Variants in ARHGEF28 observed in about 807,000 individuals in gnomAD.
The protein encoded by ARHGEF28 is Rho guanine nucleotide exchange factor 28.
A neutral mutation model predicts 206.6 loss-of-function variants in ARHGEF28; 152 were observed. The ratio of observed to expected loss-of-function variants is 0.74; its 90% CI spans 0.64 to 0.84. The LOEUF is 0.84. ARHGEF28 is among the 40% of genes least tolerant of loss of function. The pLI, the probability that ARHGEF28 is intolerant of heterozygous loss-of-function variation, is 0.00. For synonymous variants in ARHGEF28, 763 were observed against 776.4 expected (o/e 0.98, Z 0.29); for missense variants, 2,028 against 2,073.2 (o/e 0.98, Z 0.42).
intron 2 of ARHGEF28, among the ~76,000 whole-genome samples, chr5:73,727,213 G>GC (rs985546510): frequency 6.6e-6 from 1 of 152,176 alleles, no homozygotes; most frequent in African/African-American, 2.4e-5. Flanking sequence ...TGAAAAGCCA[G>GC]AACTGTGGGA....
intron 9 of ARHGEF28, among the ~76,000 whole-genome samples, chr5:73,796,000 G>A (rs56404777): frequency 0.19 from 28,733 of 152,108 alleles, 5,359 homozygotes; most frequent in African/African-American, 0.48. Context: ...ATTCTCATCT[G>A]ATTACAATAT....
At chr5:73,741,401 A>G (rs1205438154) in intron 2 of ARHGEF28, among the ~76,000 whole-genome samples, 162 of 11,586 alleles carry the variant, frequency 0.014, no homozygotes, top group South Asian at 0.02. Context: ...ATATATATAT[A>G]TATATATATA....
Position 73,840,742 on chromosome 5 carries a change from G to C in ARHGEF28, c.1409G>C (p.Ser470Thr). The part of the protein sequence containing the change: ...FGWHGFEKEQ[S>T]HLKKRSSSLD... ...TGGCATGGATTTGAAAAGGAACAAA[G>C]TCATCTAAAGAAAAGAAGGTAAGAG... is the stretch of plus-strand genomic sequence containing the variant. The change falls in exon 11 of 36, where the codon AGT (serine) becomes ACT (threonine). Residue 470 changes from serine to threonine, a missense_variant. Ser to Thr is a moderately conservative substitution (Grantham distance 58). Coordinates refer to ENST00000513042, the MANE Select transcript of ARHGEF28 (RefSeq NM_001177693.2). 1 of 1,609,236 alleles carries C rather than the reference G, an allele frequency of 6.2e-7. No individual in the cohort carries two copies. The highest frequency in any genetic ancestry group is 8.5e-7 in the Non-Finnish European group (1 of 1,177,386).
intron 35 of ARHGEF28, among the ~76,000 whole-genome samples, chr5:73,917,248 G>A (rs1763262711): frequency 6.6e-6 from 1 of 152,150 alleles, no homozygotes; most frequent in Non-Finnish European, 1.5e-5. Context: ...ATATATATAG[G>A]AGTCTGAGGA....
At chr5:73,636,378 A>G (rs1743716448) in intron 1 of ARHGEF28, among the ~76,000 whole-genome samples, 1 of 152,232 alleles carries the variant, frequency 6.6e-6, no homozygotes, top group Admixed American at 6.5e-5. Context: ...GAATGTTAAC[A>G]GTAATTTGGA....
intron 20 of ARHGEF28, among the ~76,000 whole-genome samples, chr5:73,869,222 T>TGGGGGGGGGGG (rs67692648): frequency 4.0e-5 from 4 of 99,194 alleles, no homozygotes; most frequent in Non-Finnish European, 6.1e-5. Flanking sequence ...GTGTGTGGGG[T>TGGGGGGGGGGG]GGAGGGGGGT....
rs368159871 is a variant in ARHGEF28, at chr5:73,864,917, T to C, written c.2103+45T>C. On this transcript the variant is annotated intron_variant, in intron 17 of 35. Transcript: ENST00000513042. Reference sequence around the variant, plus strand: ...TGAATATATATGTGGCATGGTTGCTTCATAGTATCTATTTGAGCTTTTACT... The same window carrying C: ...TGAATATATATGTGGCATGGTTGCTCCATAGTATCTATTTGAGCTTTTACT... The C allele has an allele frequency of 2.8e-5, 43 of 1,547,180 alleles. No homozygotes were observed. The African/African-American group carries it at 4.1e-4, about 15-fold the overall frequency.
chr5:73,844,122 T>C (rs567621399), intron 11 of ARHGEF28, among the ~76,000 whole-genome samples: 1 of 152,274 alleles, frequency 6.6e-6, no homozygotes, highest in African/African-American at 2.4e-5. Context: ...ATATCTTAGG[T>C]TAATAGCTTA....
intron 29 of ARHGEF28, among the ~76,000 whole-genome samples, chr5:73,894,942 G>A (rs781631625): frequency 3.9e-5 from 6 of 152,108 alleles, no homozygotes; most frequent in African/African-American, 7.2e-5. Context: ...GGGAATGGCC[G>A]GCACAAAGGT....
chr5:73,884,498 A>G (rs1303470089), intron 24 of ARHGEF28, among the ~76,000 whole-genome samples: 1 of 152,188 alleles, frequency 6.6e-6, no homozygotes, highest in Non-Finnish European at 1.5e-5. Flanking sequence ...AAAACATATC[A>G]ATGCAATGAA....
In ARHGEF28 at chr5:73,904,486, A is replaced by T. The variant is rs1487695626; in HGVS notation, c.4161+81A>T. Reference sequence around the variant, plus strand: ...CTTTGATGATTCCCAGACTTTAAAAATGAGAACAAGTGAGAGGTAGGGAAT... The same window carrying T: ...CTTTGATGATTCCCAGACTTTAAAATTGAGAACAAGTGAGAGGTAGGGAAT... On this transcript the variant is annotated intron_variant, in intron 33 of 35. Coordinates refer to ENST00000513042, the MANE Select transcript of ARHGEF28 (RefSeq NM_001177693.2). The T allele has an allele frequency of 4.2e-6, 6 of 1,414,406 alleles. No individual in the cohort carries two copies. In the Admixed American group the frequency reaches 1.3e-4, roughly 31 times the overall value. 87.6% of individuals were successfully genotyped at this position (1,414,406 alleles called of 1,614,324 possible). A position where few individuals can be genotyped will look rare whatever the true frequency, so the allele number is the denominator to read the frequency against.
At chr5:73,774,157 C>A in intron 5 of ARHGEF28, 119 bp downstream of exon 5, 1 of 862,458 alleles carries the variant, frequency 1.2e-6, no homozygotes, top group Non-Finnish European at 1.7e-6. Flanking sequence ...TGTTAGCTCT[C>A]ATGCATATAT....
intron 31 of ARHGEF28, 180 bp from the exon 32 acceptor site, chr5:73,904,042 A>C (rs1033282147): frequency 1.6e-6 from 1 of 614,654 alleles, no homozygotes; most frequent in Non-Finnish European, 2.8e-6. Flanking sequence ...TCTTGTTGTC[A>C]AGTGTTTGTT....
chr5:73,693,493 A>G (rs568861640), intron 2 of ARHGEF28, among the ~76,000 whole-genome samples: 1 of 152,324 alleles, frequency 6.6e-6, no homozygotes, highest in South Asian at 2.1e-4. Context: ...CCAGCTCAAA[A>G]TAATAGAAAT....
At chr5:73,769,375 T>G (rs1157375761) in intron 4 of ARHGEF28, among the ~76,000 whole-genome samples, 2 of 152,184 alleles carry the variant, frequency 1.3e-5, no homozygotes, top group Non-Finnish European at 2.9e-5. Context: ...TCCTTGCTTT[T>G]CTTTACAGTG....
intron 16 of ARHGEF28, among the ~76,000 whole-genome samples, chr5:73,860,707 T>G (rs1759344102): frequency 6.6e-6 from 1 of 152,214 alleles, no homozygotes; most frequent in Non-Finnish European, 1.5e-5. Flanking sequence ...GATCAGTACT[T>G]TTCCCACAGT....
chr5:73,681,808 C>G (rs1370833008), intron 1 of ARHGEF28, among the ~76,000 whole-genome samples: 1 of 151,718 alleles, frequency 6.6e-6, no homozygotes, highest in African/African-American at 2.4e-5. Flanking sequence ...GAGCGAAACT[C>G]TGTCTCAAAA....
At chr5:73,663,207 C>T (rs1434177364) in intron 1 of ARHGEF28, among the ~76,000 whole-genome samples, 12 of 152,192 alleles carry the variant, frequency 7.9e-5, no homozygotes, top group Non-Finnish European at 2.9e-5. Context: ...CCGCCCACCT[C>T]GGCCTCCCAA....
Position 73,909,446 on chromosome 5 carries a change from T to G in ARHGEF28, c.4196T>G (p.Ile1399Ser), listed in dbSNP as rs745436527. The G allele has an allele frequency of 6.8e-6, 11 of 1,612,210 alleles. No individual in the cohort carries two copies. The Admixed American group carries it at 1.8e-4, about 27-fold the overall frequency. The change falls in exon 34 of 36, where the codon ATC (isoleucine) becomes AGC (serine). Residue 1399 changes from isoleucine to serine, a missense_variant. Physicochemically the swap from Ile to Ser is moderately radical, Grantham distance 142. Transcript: ENST00000513042. ...ACCATTCAGGACAGCCACATTGAGA[T>G]CCACAGGCTGGTTCTCCAGCAGCAG... ...ALTIQDSHIE[I>S]HRLVLQQQEG...
Sources: allele counts gnomAD v4.1 joint callset (sites outside exome capture counted in the v4.1 genomes callset), GRCh38; gene constraint gnomAD v4.1.1; transcripts MANE v1.5; gene names NCBI Gene and HGNC (gene_info 2026-07-23, HGNC 2026-07-21).